The following TBX5 variants were observed in gnomAD, a reference collection of about 807,000 sequenced individuals.
TBX5 encodes the protein T-box transcription factor 5.
A neutral mutation model predicts 51.1 loss-of-function variants in TBX5; 8 were observed. That is an observed-to-expected ratio of 0.16 (90% CI 0.09 to 0.28). The LOEUF is 0.28. Ranked by LOEUF, TBX5 falls within the 10% of genes least tolerant of loss-of-function variation. TBX5 has a pLI of 1.00. For synonymous variants in TBX5, 302 were observed against 266.4 expected (o/e 1.13, Z -1.30); for missense variants, 589 against 671.7 (o/e 0.88, Z 1.36).
intron 3 of TBX5, 27 bp from the exon 4 acceptor site, chr12:114,399,659 G>C (rs371344278): frequency 3.7e-6 from 6 of 1,613,844 alleles, no homozygotes; most frequent in Non-Finnish European, 5.1e-6. Flanking sequence ...GAGGGAGAGA[G>C]GGGGGCGGGA....
intron 1 of TBX5, among the ~76,000 whole-genome samples, chr12:114,404,673 C>T (rs1448897729): frequency 3.9e-5 from 6 of 152,008 alleles, no homozygotes; most frequent in Non-Finnish European, 8.8e-5. Flanking sequence ...AGAAAGTCAC[C>T]GTGCAGCCGT....
intron 2 of TBX5, among the ~76,000 whole-genome samples, chr12:114,403,191 C>T (rs896966653): frequency 1.5e-4 from 23 of 152,228 alleles, no homozygotes; most frequent in Non-Finnish European, 3.2e-4. Flanking sequence ...TCCCAGCGGC[C>T]GGTGATGGCG....
chr12:114,405,596 G>A (rs190305527), intron 1 of TBX5, 32 bp downstream of exon 1: 1 of 678,258 alleles, frequency 1.5e-6, no homozygotes, highest in African/African-American at 2.0e-5. Context: ...GCTCCCTCCT[G>A]AGCCTCCCGG....
intron 7 of TBX5, among the ~76,000 whole-genome samples, chr12:114,382,269 G>T (rs947498838): frequency 6.6e-6 from 1 of 152,090 alleles, no homozygotes; most frequent in Non-Finnish European, 1.5e-5. Flanking sequence ...AGTCATGATC[G>T]CACCACTGCC....
intron 8 of TBX5, among the ~76,000 whole-genome samples, chr12:114,364,215 T>C (rs985720696): frequency 2.0e-5 from 3 of 152,172 alleles, no homozygotes; most frequent in East Asian, 1.9e-4. Flanking sequence ...TCCATTCCCA[T>C]TGGTTGTTAG....
At chr12:114,403,668 T>A in intron 2 of TBX5, 84 bp downstream of exon 2, 1 of 1,550,044 alleles carries the variant, frequency 6.5e-7, no homozygotes, top group Non-Finnish European at 8.7e-7. Context: ...GTTTTTGTTC[T>A]GTCCCCGCAA....
At chr12:114,400,622 T>C (rs2136419780) in intron 3 of TBX5, among the ~76,000 whole-genome samples, 1 of 152,322 alleles carries the variant, frequency 6.6e-6, no homozygotes, top group South Asian at 2.1e-4. Flanking sequence ...TTTATCAGCC[T>C]GAGCGAGCGC....
chr12:114,364,538 T>C (rs992599371), intron 8 of TBX5, among the ~76,000 whole-genome samples: 4 of 152,188 alleles, frequency 2.6e-5, no homozygotes, highest in Non-Finnish European at 5.9e-5. Context: ...AAAGGTGAAC[T>C]TCATCCTGAT....
chr12:114,383,531 C>T (rs964229445), intron 7 of TBX5, among the ~76,000 whole-genome samples: 3 of 152,092 alleles, frequency 2.0e-5, no homozygotes, highest in African/African-American at 7.2e-5. Flanking sequence ...GACATGTTCT[C>T]CACTGCAAAG....
chr12:114,367,877 C>T (rs530051295), intron 7 of TBX5, among the ~76,000 whole-genome samples: 11 of 152,270 alleles, frequency 7.2e-5, no homozygotes, highest in African/African-American at 2.2e-4. Flanking sequence ...ATTGGCTTCT[C>T]TTGTAACCTA....
chr12:114,389,038 C>G (rs1332646029), intron 6 of TBX5, among the ~76,000 whole-genome samples: 1 of 152,090 alleles, frequency 6.6e-6, no homozygotes, highest in Non-Finnish European at 1.5e-5. Context: ...AAGTGACTCT[C>G]CTGCCTCAGC....
chr12:114,392,167 C>T (rs2136406622), intron 6 of TBX5, among the ~76,000 whole-genome samples: 1 of 129,868 alleles, frequency 7.7e-6, no homozygotes, highest in African/African-American at 2.9e-5. Flanking sequence ...ACACGATTCC[C>T]TGGATTGCGC....
rs113341020 is a variant in TBX5, at chr12:114,379,132, C to T, written c.755+6344G>A. ...TCCTGCCTGACCTGCCTTCCGTTAC[C>T]GGTAGCCCAGCCACCATCTGATGGT... On this transcript the variant is annotated intron_variant, in intron 7 of 8. Transcript: ENST00000405440. Among the ~76,000 whole-genome samples the T allele has an allele frequency of 4.8e-3, 729 of 152,232 alleles. 6 individuals are homozygous for T. The highest frequency in any genetic ancestry group is 0.016 in the African/African-American group (651 of 41,536).
chr12:114,401,689 C>A, intron 3 of TBX5, 137 bp downstream of exon 3: 1 of 770,400 alleles, frequency 1.3e-6, no homozygotes, highest in Admixed American at 2.1e-5. Context: ...CTCTCCTCTC[C>A]TCTCCTTTCT....
chr12:114,392,820 G>A (rs1161469451), intron 6 of TBX5, among the ~76,000 whole-genome samples: 1 of 152,200 alleles, frequency 6.6e-6, no homozygotes, highest in African/African-American at 2.4e-5. Context: ...AAATTGGCCT[G>A]AAATAGTTTT....
Position 114,398,540 on chromosome 12 carries a change from GAC to G in TBX5, c.510+31_510+32del, listed in dbSNP as rs1412077734. On this transcript the variant is annotated intron_variant, in intron 5 of 8. Transcript: ENST00000405440. The stretch of plus-strand genomic sequence containing the variant: ...AAGAAGGGAGAGAGGACAAGAGGGA[GAC>G]AAGGCGGGGAATCCAGGCCACGGTA... 1.9e-6 allele frequency: 3 copies of G among 1,606,522 alleles called. No individual in the cohort carries two copies. The East Asian group carries it at 6.7e-5, about 36-fold the overall frequency.
At chr12:114,369,849 A>AC (rs1869758035) in intron 7 of TBX5, among the ~76,000 whole-genome samples, 1 of 70,634 alleles carries the variant, frequency 1.4e-5, no homozygotes, top group Non-Finnish European at 3.6e-5. Flanking sequence ...ATTGTTCTTC[A>AC]ATGCCTCCTA....
intron 7 of TBX5, among the ~76,000 whole-genome samples, chr12:114,371,592 T>TG (rs1869911905): frequency 6.6e-6 from 1 of 150,562 alleles, no homozygotes; most frequent in South Asian, 2.1e-4. Flanking sequence ...TTTGTGTTTT[T>TG]TTTTTTTTTT....
chr12:114,383,076 A>T (rs1001586809), intron 7 of TBX5, among the ~76,000 whole-genome samples: 3 of 151,654 alleles, frequency 2.0e-5, no homozygotes, highest in Admixed American at 2.0e-4. Flanking sequence ...ACCTGTCTCT[A>T]CTTTCATAGC....
Sources: gnomAD v4.1 joint callset for allele counts (sites outside exome capture counted in the v4.1 genomes callset) on GRCh38, gnomAD v4.1.1 for gene constraint, MANE v1.5 for transcripts, NCBI Gene and HGNC (gene_info 2026-07-23, HGNC 2026-07-21) for gene names.